Variants in MIPEP observed in about 807,000 individuals in gnomAD.
The protein encoded by MIPEP is mitochondrial intermediate peptidase.
Under a neutral mutation model 90.3 loss-of-function variants are expected in MIPEP, and 79 were observed. The observed-to-expected ratio is 0.87, with a 90% confidence interval of 0.73 to 1.05. The LOEUF is 1.05. Ranked by LOEUF, MIPEP falls within the 50% of genes least tolerant of loss-of-function variation. MIPEP has a pLI of 0.00. For missense variants in MIPEP, 940 were observed against 905.6 expected (o/e 1.04, Z -0.49); for synonymous variants, 334 against 315.8 (o/e 1.06, Z -0.61).
chr13:23,884,100 A>C (rs1351444140), intron 2 of MIPEP, among the ~76,000 whole-genome samples: 6 of 152,302 alleles, frequency 3.9e-5, no homozygotes, highest in Admixed American at 3.3e-4. Context: ...GATGGGGATG[A>C]GTTATGCTGG....
At chr13:23,849,643 T>G (rs890969106) in intron 10 of MIPEP, among the ~76,000 whole-genome samples, 6 of 152,190 alleles carry the variant, frequency 3.9e-5, no homozygotes, top group Admixed American at 2.6e-4. Context: ...TATAATTAGG[T>G]CTTTTAAATT....
At chr13:23,835,236 G>T (rs568711138) in intron 14 of MIPEP, among the ~76,000 whole-genome samples, 17 of 151,836 alleles carry the variant, frequency 1.1e-4, no homozygotes, top group Non-Finnish European at 2.5e-4. Context: ...GCCCAGGCTG[G>T]TCTCGAACTC....
chr13:23,767,687 C>T (rs917764784), intron 16 of MIPEP, among the ~76,000 whole-genome samples: 2 of 152,050 alleles, frequency 1.3e-5, no homozygotes, highest in Non-Finnish European at 2.9e-5. Flanking sequence ...CTCCTGACCT[C>T]GTGATCTACC....
chr13:23,747,423 C>T (rs1360480686), intron 18 of MIPEP: 1 of 417,678 alleles, frequency 2.4e-6, no homozygotes, highest in Non-Finnish European at 4.8e-6. Flanking sequence ...AGTGGTGTCC[C>T]CTACTTATTA....
chr13:23,734,810 G>A (rs116295890), intron 18 of MIPEP, among the ~76,000 whole-genome samples: 180 of 152,292 alleles, frequency 1.2e-3, no homozygotes, highest in African/African-American at 4.2e-3. Flanking sequence ...ATCTCCACAG[G>A]GGGGAATGTT....
At chr13:23,786,091 G>C (rs1952836089) in intron 16 of MIPEP, among the ~76,000 whole-genome samples, 1 of 152,100 alleles carries the variant, frequency 6.6e-6, no homozygotes, top group African/African-American at 2.4e-5. Flanking sequence ...ACCAGGCATG[G>C]TGGCACATGC....
intron 16 of MIPEP, among the ~76,000 whole-genome samples, chr13:23,773,580 A>G (rs555305057): frequency 6.6e-6 from 1 of 152,332 alleles, no homozygotes; most frequent in African/African-American, 2.4e-5. Flanking sequence ...CATTCTCACC[A>G]GCAACGTATG....
At chr13:23,806,281 A>G (rs1233129329) in intron 15 of MIPEP, among the ~76,000 whole-genome samples, 1 of 152,214 alleles carries the variant, frequency 6.6e-6, no homozygotes, top group African/African-American at 2.4e-5. Context: ...CTTTTCATAA[A>G]TAAGAATATT....
chr13:23,772,413 C>T (rs1952663099), intron 16 of MIPEP, among the ~76,000 whole-genome samples: 2 of 151,988 alleles, frequency 1.3e-5, no homozygotes, highest in Admixed American at 6.6e-5. Context: ...ATTTAAAAAA[C>T]ATATTAGATA....
At chr13:23,788,439 C>T (rs1280733387) in intron 16 of MIPEP, among the ~76,000 whole-genome samples, 1 of 152,206 alleles carries the variant, frequency 6.6e-6, no homozygotes, top group African/African-American at 2.4e-5. Context: ...TCAAGACCTC[C>T]ACCAACTGGA....
At chr13:23,859,983 C>T (rs1180665871) in intron 9 of MIPEP, among the ~76,000 whole-genome samples, 2 of 152,242 alleles carry the variant, frequency 1.3e-5, no homozygotes, top group East Asian at 1.9e-4. Context: ...GTCCATGGAA[C>T]CCTAGCCCCA....
At chr13:23,730,822 T>G (rs1350345021) in intron 18 of MIPEP, among the ~76,000 whole-genome samples, 1 of 152,252 alleles carries the variant, frequency 6.6e-6, no homozygotes, top group East Asian at 1.9e-4. Context: ...ATATCAAGTT[T>G]TGTTATCAAG....
chr13:23,796,301 C>T (rs970569301), intron 16 of MIPEP, among the ~76,000 whole-genome samples: 2 of 152,030 alleles, frequency 1.3e-5, no homozygotes, highest in Admixed American at 6.5e-5. Context: ...CCTGTAATCC[C>T]AGCTACTGGG....
intron 10 of MIPEP, among the ~76,000 whole-genome samples, chr13:23,853,326 A>G (rs1240470706): frequency 6.6e-6 from 1 of 152,120 alleles, no homozygotes; most frequent in Non-Finnish European, 1.5e-5. Flanking sequence ...CTATACAGGT[A>G]TACCATTTTT....
chr13:23,754,729 C>T (rs193266766), intron 18 of MIPEP, among the ~76,000 whole-genome samples: 63 of 152,284 alleles, frequency 4.1e-4, no homozygotes, highest in African/African-American at 1.5e-3. Flanking sequence ...GAGCCAAGCA[C>T]GGCTGCCAGG....
intron 18 of MIPEP, among the ~76,000 whole-genome samples, chr13:23,751,660 T>C (rs536832484): frequency 2.6e-5 from 4 of 152,298 alleles, no homozygotes; most frequent in South Asian, 2.1e-4. Flanking sequence ...CTCAGATTCT[T>C]TGCGGAAGAG....
At chr13:23,752,591 C>A (rs974795329) in intron 18 of MIPEP, among the ~76,000 whole-genome samples, 4 of 152,050 alleles carry the variant, frequency 2.6e-5, no homozygotes, top group Admixed American at 6.6e-5. Context: ...AAGCAAAAAC[C>A]TTAAGTTATC....
intron 16 of MIPEP, among the ~76,000 whole-genome samples, chr13:23,787,439 G>C (rs1436226218): frequency 1.3e-5 from 2 of 151,944 alleles, no homozygotes; most frequent in East Asian, 1.9e-4. Flanking sequence ...GACAGAGAGA[G>C]AGAGAGCACA....
At chr13:23,754,878 G>A (rs1952475457) in intron 18 of MIPEP, among the ~76,000 whole-genome samples, 1 of 152,186 alleles carries the variant, frequency 6.6e-6, no homozygotes, top group African/African-American at 2.4e-5. Context: ...ACTTTTGCCT[G>A]GGTCTGGAAC....
Sources: allele counts gnomAD v4.1 joint callset (sites outside exome capture counted in the v4.1 genomes callset), GRCh38; gene constraint gnomAD v4.1.1; transcripts MANE v1.5; gene names NCBI Gene and HGNC (gene_info 2026-07-23, HGNC 2026-07-21).